The following ASAP1 variants were observed in gnomAD, a reference collection of about 807,000 sequenced individuals.
ASAP1 encodes ArfGAP with SH3 domain, ankyrin repeat and PH domain 1.
A neutral mutation model predicts 145.2 loss-of-function variants in ASAP1; 43 were observed. The observed-to-expected ratio is 0.30, with a 90% CI of 0.23 to 0.38. ASAP1 has a LOEUF of 0.38. Ranked by LOEUF, ASAP1 falls within the 10% of genes least tolerant of loss-of-function variation. The pLI, the probability that ASAP1 is intolerant of heterozygous loss-of-function variation, is 1.00. For missense variants in ASAP1, 1,018 were observed against 1,355.3 expected, an observed-to-expected ratio of 0.75 and a Z score of 3.91; for synonymous variants, 546 against 515.5, an observed-to-expected ratio of 1.06 and a Z score of -0.80.
rs533140233 is a variant in ASAP1 at position 130,234,763 on chromosome 8, C to T, written c.259+2159G>A. On this transcript the variant is annotated intron_variant, in intron 4 of 29. Transcript: ENST00000518721. ...CTGTAAAGCAAGGGTCTCCCTTTTG[C>T]AGCTCACAAGCATAGAGCCTCAGGT... Among the ~76,000 whole-genome samples, 6 of 151,196 alleles carry T rather than the reference C, an allele frequency of 4.0e-5. No homozygotes were observed. The South Asian group carries it at 1.2e-3, about 31-fold the overall frequency.
rs1692790079 is a variant in ASAP1, at chr8:130,443,597, G to C, written c.-165C>G. On this transcript the variant is annotated 5_prime_UTR_variant, in exon 1 of 30. Transcript: ENST00000518721. ...CGGGCCCGGGGCTGCCCAGCGCACAGTGCTCGCCCGCGGCAGCGGCCAGGC... is the reference window on the plus strand; with the variant it reads ...CGGGCCCGGGGCTGCCCAGCGCACACTGCTCGCCCGCGGCAGCGGCCAGGC... 1 of 151,090 alleles carries C rather than the reference G, an allele frequency of 6.6e-6. No individual in the cohort carries two copies. Among genetic ancestry groups the C allele is most frequent in the South Asian group, 2.1e-4 (1 of 4,840 alleles). The allele number at this position is 151,090 out of a possible 1,614,324, so 9.4% of individuals were successfully genotyped here.
intron 2 of ASAP1, among the ~76,000 whole-genome samples, chr8:130,377,724 A>G (rs1214464649): frequency 6.6e-6 from 1 of 152,200 alleles, no homozygotes; most frequent in Non-Finnish European, 1.5e-5. Context: ...GCCAGCAGAA[A>G]GTCAGAGGAG....
chr8:130,235,714 T>C (rs1213790061), intron 4 of ASAP1, among the ~76,000 whole-genome samples: 1 of 152,118 alleles, frequency 6.6e-6, no homozygotes, highest in East Asian at 1.9e-4. Flanking sequence ...GTGTTAACAA[T>C]TAATATTACA....
At chr8:130,060,372 G>GCCA (rs2097416327) in intron 28 of ASAP1, among the ~76,000 whole-genome samples, 1 of 152,188 alleles carries the variant, frequency 6.6e-6, no homozygotes, top group Non-Finnish European at 1.5e-5. Context: ...AGGCACTGAA[G>GCCA]CCAGGTCTTG....
chr8:130,128,886 A>G (rs531832481), intron 15 of ASAP1, among the ~76,000 whole-genome samples: 121 of 152,324 alleles, frequency 7.9e-4, no homozygotes, highest in Non-Finnish European at 1.5e-3. Context: ...GTTTTGTGAA[A>G]TCAACAACAA....
At chr8:130,344,651 T>C (rs1825592740) in intron 3 of ASAP1, among the ~76,000 whole-genome samples, 1 of 152,226 alleles carries the variant, frequency 6.6e-6, no homozygotes, top group Non-Finnish European at 1.5e-5. Context: ...GCGAGATCAC[T>C]TGAGCCCAGG....
At chr8:130,153,015 T>G (rs905972719) in intron 12 of ASAP1, among the ~76,000 whole-genome samples, 2 of 152,038 alleles carry the variant, frequency 1.3e-5, no homozygotes, top group Non-Finnish European at 2.9e-5. Context: ...ATTACAGCAC[T>G]GCTTTTTAAT....
In ASAP1 at chr8:130,214,594, T is replaced by C. The variant is rs199603852; in HGVS notation, c.367A>G (p.Thr123Ala). Residue 123 changes from threonine to alanine, a missense_variant, in exon 5 of 30, where the codon ACT becomes GCT. This residue lies in a region of ASAP1 where 78 missense variants were observed against 161.0 expected (regional missense o/e 0.48). Transcript: ENST00000518721. ...DLGTAFVKFSTLTKELSTLLK... is the reference protein window; with the variant it reads ...DLGTAFVKFSALTKELSTLLK... ...AGTGTGGACAGTTCCTTTGTAAGAGTAGAAAACTTGACAAACGCGGTGCCA... is the reference window on the plus strand; with the variant it reads ...AGTGTGGACAGTTCCTTTGTAAGAGCAGAAAACTTGACAAACGCGGTGCCA... The C allele has an allele frequency of 2.5e-6, 4 of 1,612,836 alleles. No homozygotes were observed. The highest frequency in any genetic ancestry group is 1.1e-5 in the South Asian group (1 of 90,692).
At chr8:130,072,342 C>T (rs562195731) in intron 27 of ASAP1, among the ~76,000 whole-genome samples, 15 of 152,152 alleles carry the variant, frequency 9.9e-5, no homozygotes, top group African/African-American at 3.6e-4. Flanking sequence ...GGGGGCAGTT[C>T]CCCCCATACT....
chr8:130,400,842 A>G (rs1184549905), intron 2 of ASAP1, among the ~76,000 whole-genome samples: 2 of 151,734 alleles, frequency 1.3e-5, no homozygotes, highest in African/African-American at 4.8e-5. Context: ...ATTGACTTAC[A>G]TCTAGCTGGG....
chr8:130,125,555 T>TA (rs1375368649), intron 17 of ASAP1, among the ~76,000 whole-genome samples: 2 of 152,136 alleles, frequency 1.3e-5, no homozygotes, highest in Non-Finnish European at 2.9e-5. Context: ...TTTACAAACT[T>TA]AGAAATAATA....
chr8:130,174,091 C>CAA lies in ASAP1; in HGVS notation c.747-5026_747-5025dup, dbSNP rs57123447. ...TGACAGAGTGGCAAGACTCCGTCTC[C>CAA]AAAAAAAAAAAAAAAAAAAAAAAAA... On this transcript the variant is annotated intron_variant, in intron 9 of 29. Coordinates refer to ENST00000518721, the MANE Select transcript of ASAP1 (RefSeq NM_018482.4). Among the ~76,000 whole-genome samples, 302 of 62,680 alleles carry CAA rather than the reference C, an allele frequency of 4.8e-3. 1 individual carries two copies. Among genetic ancestry groups the CAA allele is most frequent in the African/African-American group, 0.011 (177 of 15,786 alleles). The allele number at this position is 62,680 out of a possible 152,430, so 41.1% of individuals were successfully genotyped here.
chr8:130,243,522 G>C (rs750589553), intron 3 of ASAP1, among the ~76,000 whole-genome samples: 4 of 152,050 alleles, frequency 2.6e-5, no homozygotes, highest in Admixed American at 1.3e-4. Flanking sequence ...CCTCGCTACT[G>C]CCTGCAAGGC....
chr8:130,377,162 A>C (rs772243086), intron 2 of ASAP1, among the ~76,000 whole-genome samples: 20 of 152,028 alleles, frequency 1.3e-4, no homozygotes, highest in Non-Finnish European at 1.0e-4. Context: ...CAAAAGTGGG[A>C]GCTAAGCTAT....
chr8:130,199,492 A>T (rs966050935), intron 5 of ASAP1, among the ~76,000 whole-genome samples: 1 of 152,206 alleles, frequency 6.6e-6, no homozygotes, highest in Admixed American at 6.5e-5. Flanking sequence ...TGGGAGTGAC[A>T]AACCAAGGGT....
intron 1 of ASAP1, among the ~76,000 whole-genome samples, chr8:130,441,071 A>G (rs938402885): frequency 2.0e-5 from 3 of 152,206 alleles, no homozygotes; most frequent in African/African-American, 7.2e-5. Context: ...TGCTCAATGC[A>G]TGGTTGTTCA....
At chr8:130,154,249 T>A (rs2097653466) in intron 12 of ASAP1, among the ~76,000 whole-genome samples, 1 of 151,898 alleles carries the variant, frequency 6.6e-6, no homozygotes, top group Non-Finnish European at 1.5e-5. Context: ...CAAAGGGAAG[T>A]AAATGGTGAC....
intron 4 of ASAP1, among the ~76,000 whole-genome samples, chr8:130,221,662 C>T (rs1817302342): frequency 6.6e-6 from 1 of 152,096 alleles, no homozygotes; most frequent in African/African-American, 2.4e-5. Context: ...CCCCTTATGT[C>T]CATACTAAAT....
chr8:130,416,102 G>A (rs1488015803), intron 1 of ASAP1, among the ~76,000 whole-genome samples: 1 of 152,038 alleles, frequency 6.6e-6, no homozygotes, highest in Non-Finnish European at 1.5e-5. Context: ...AGGCGCAGCG[G>A]GCCACACCTG....
Sources: gnomAD v4.1 joint callset for allele counts (sites outside exome capture counted in the v4.1 genomes callset) on GRCh38, gnomAD v4.1.1 for gene constraint, gnomAD v4.1.1 regional missense constraint, MANE v1.5 for transcripts, NCBI Gene and HGNC (gene_info 2026-07-23, HGNC 2026-07-21) for gene names.